Variants in CTDSPL observed in about 807,000 individuals in gnomAD.
CTDSPL encodes the protein CTD small phosphatase-like protein.
Under a neutral mutation model 30.5 loss-of-function variants are expected in CTDSPL, and 8 were observed. The observed-to-expected ratio is 0.26, with a 90% CI of 0.15 to 0.47. The LOEUF is 0.47. Among genes scored for constraint, CTDSPL ranks in the 20% least tolerant of loss-of-function variants. CTDSPL has a pLI of 0.99. For synonymous variants in CTDSPL, 110 were observed against 137.9 expected (o/e 0.80, Z 1.42); for missense variants, 248 against 366.1 (o/e 0.68, Z 2.63).
intron 1 of CTDSPL, among the ~76,000 whole-genome samples, chr3:37,917,676 G>A (rs1309844538): frequency 6.6e-6 from 1 of 152,080 alleles, no homozygotes; most frequent in Non-Finnish European, 1.5e-5. Flanking sequence ...ACTTTCAGAG[G>A]GATATAAAGG....
At chr3:37,896,022 T>C (rs1698386553) in intron 1 of CTDSPL, among the ~76,000 whole-genome samples, 1 of 152,196 alleles carries the variant, frequency 6.6e-6, no homozygotes, top group Non-Finnish European at 1.5e-5. Flanking sequence ...GGTTGAGGCT[T>C]CATTGGGATC....
intron 1 of CTDSPL, among the ~76,000 whole-genome samples, chr3:37,920,458 G>C (rs1698700593): frequency 6.6e-6 from 1 of 152,208 alleles, no homozygotes; most frequent in Non-Finnish European, 1.5e-5. Context: ...GGCAGCTTTG[G>C]TAGTTCTGTA....
intron 7 of CTDSPL, among the ~76,000 whole-genome samples, chr3:37,976,436 A>G (rs1449682893): frequency 6.6e-6 from 1 of 152,078 alleles, no homozygotes; most frequent in African/African-American, 2.4e-5. Flanking sequence ...GATCGAGACC[A>G]TCCTGGCCAA....
intron 1 of CTDSPL, among the ~76,000 whole-genome samples, chr3:37,903,539 TC>T (rs761821410): frequency 3.3e-5 from 5 of 152,124 alleles, no homozygotes; most frequent in African/African-American, 4.8e-5. Flanking sequence ...GGGTCTTCTG[TC>T]TCCTCAGTAG....
chr3:37,935,131 A>G (rs1698900306), intron 1 of CTDSPL, among the ~76,000 whole-genome samples: 1 of 152,136 alleles, frequency 6.6e-6, no homozygotes, highest in Non-Finnish European at 1.5e-5. Flanking sequence ...TTTATTAACT[A>G]TTCCTACTCT....
At chr3:37,883,004 G>A (rs1331870962) in intron 1 of CTDSPL, among the ~76,000 whole-genome samples, 1 of 152,204 alleles carries the variant, frequency 6.6e-6, no homozygotes, top group Non-Finnish European at 1.5e-5. Flanking sequence ...ATTTACAAAC[G>A]TGTAGCCAGA....
chr3:37,955,605 A>T (rs1480110339), intron 2 of CTDSPL, among the ~76,000 whole-genome samples: 1 of 152,086 alleles, frequency 6.6e-6, no homozygotes, highest in African/African-American at 2.4e-5. Flanking sequence ...AAAACCAAAT[A>T]CCGCACGTTC....
intron 7 of CTDSPL, among the ~76,000 whole-genome samples, chr3:37,978,249 C>T (rs1699451587): frequency 6.6e-6 from 1 of 152,012 alleles, no homozygotes; most frequent in Non-Finnish European, 1.5e-5. Context: ...AGTTTCAGTC[C>T]ATTTATTATT....
At chr3:37,918,841 T>C (rs1446319742) in intron 1 of CTDSPL, among the ~76,000 whole-genome samples, 1 of 152,186 alleles carries the variant, frequency 6.6e-6, no homozygotes, top group African/African-American at 2.4e-5. Context: ...CTGAGAACAC[T>C]GTTCTCTACT....
chr3:37,940,131 TC>T (rs1411242540), intron 1 of CTDSPL, among the ~76,000 whole-genome samples: 2 of 150,318 alleles, frequency 1.3e-5, no homozygotes, highest in East Asian at 3.9e-4. Flanking sequence ...CTACTCATAG[TC>T]CCCAGTCTGG....
chr3:37,928,599 C>T (rs186457329), intron 1 of CTDSPL, among the ~76,000 whole-genome samples: 5 of 152,204 alleles, frequency 3.3e-5, no homozygotes, highest in Admixed American at 2.6e-4. Flanking sequence ...TGCAAATGAC[C>T]GTTTTTTAAT....
At chr3:37,873,174 G>A (rs1698095974) in intron 1 of CTDSPL, among the ~76,000 whole-genome samples, 1 of 152,210 alleles carries the variant, frequency 6.6e-6, no homozygotes, top group South Asian at 2.1e-4. Context: ...AGCATGGGTG[G>A]TAGGATGCCT....
chr3:37,919,578 G>A (rs1221344465), intron 1 of CTDSPL, among the ~76,000 whole-genome samples: 1 of 152,210 alleles, frequency 6.6e-6, no homozygotes, highest in Non-Finnish European at 1.5e-5. Flanking sequence ...AGTAGTAGGA[G>A]TTTTCTAATC....
rs563816006 is a variant in CTDSPL at position 37,911,275 on chromosome 3, G to A, written c.80-35782G>A. 5.9e-5 allele frequency among the ~76,000 whole-genome samples: 9 copies of A among 152,338 alleles called. No homozygotes were observed. In the South Asian group the frequency reaches 1.0e-3, roughly 18 times the overall value. ...AGAGTGGTGGTTTGTCAAGGTGACC[G>A]AGCTCTAAGTTAAGAGGATAGTACT... On this transcript the variant is annotated intron_variant, in intron 1 of 7. Coordinates refer to ENST00000273179, the MANE Select transcript of CTDSPL (RefSeq NM_001008392.2).
intron 1 of CTDSPL, among the ~76,000 whole-genome samples, chr3:37,915,191 G>A (rs1698632196): frequency 6.6e-6 from 1 of 152,084 alleles, no homozygotes; most frequent in Admixed American, 6.6e-5. Flanking sequence ...TGGTCTAATT[G>A]ATACTCCATT....
chr3:37,980,938 G>A lies in CTDSPL; in HGVS notation c.*71G>A, dbSNP rs1361237148. The A allele has an allele frequency of 1.3e-6, 2 of 1,534,298 alleles. No individual in the cohort carries two copies. The highest frequency in any genetic ancestry group is 1.4e-5 in the African/African-American group (1 of 73,186). On this transcript the variant is annotated 3_prime_UTR_variant, in exon 8 of 8. Transcript: ENST00000273179. ...GCCTCAGGGGACCTGCCTGTCCTCA[G>A]CTCCCTGGGAGCTGAAAGTGAGGAT...
intron 5 of CTDSPL, 90 bp downstream of exon 5, chr3:37,967,972 T>A: frequency 1.1e-6 from 1 of 888,680 alleles, no homozygotes; most frequent in Non-Finnish European, 1.8e-6. Context: ...CTCATTTCAG[T>A]AATAACTTTA....
intron 1 of CTDSPL, among the ~76,000 whole-genome samples, chr3:37,871,974 T>G (rs1698076198): frequency 6.6e-6 from 1 of 152,202 alleles, no homozygotes; most frequent in Non-Finnish European, 1.5e-5. Context: ...TGGTTTTTCT[T>G]TATATCTTCC....
intron 1 of CTDSPL, among the ~76,000 whole-genome samples, chr3:37,936,725 T>C (rs1271748584): frequency 1.3e-5 from 2 of 150,772 alleles, no homozygotes; most frequent in Non-Finnish European, 3.0e-5. Context: ...AATTCAACTC[T>C]ATGATTTCTT....
Sources: gnomAD v4.1 joint callset for allele counts (sites outside exome capture counted in the v4.1 genomes callset) on GRCh38, gnomAD v4.1.1 for gene constraint, MANE v1.5 for transcripts, NCBI Gene and HGNC (gene_info 2026-07-23, HGNC 2026-07-21) for gene names.